Variants in PRKG1 observed in about 807,000 individuals in gnomAD.
PRKG1 encodes protein kinase cGMP-dependent 1, also known as cGMP-dependent protein kinase 1.
Under a neutral mutation model 88.1 loss-of-function variants are expected in PRKG1, and 35 were observed. That is an observed-to-expected ratio of 0.40 (90% CI 0.30 to 0.53). The LOEUF (loss-of-function observed/expected upper bound fraction) is 0.53. PRKG1 is among the 20% of genes least tolerant of loss of function. The probability of loss-of-function intolerance (pLI) is 0.59; values close to 1 mark genes in which losing one functional copy is unlikely to be tolerated. For missense variants in PRKG1, 540 were observed against 839.8 expected (o/e 0.64, Z 4.41); for synonymous variants, 303 against 292.5 (o/e 1.04, Z -0.37).
intron 1 of PRKG1, among the ~76,000 whole-genome samples, chr10:51,096,118 T>C (rs1248443157): frequency 2.6e-5 from 4 of 152,094 alleles, no homozygotes; most frequent in Non-Finnish European, 5.9e-5. Context: ...TAGTGTTTCT[T>C]TTTTTAAATG....
chr10:51,275,491 G>T (rs576210437), intron 2 of PRKG1, among the ~76,000 whole-genome samples: 1 of 152,182 alleles, frequency 6.6e-6, no homozygotes, highest in African/African-American at 2.4e-5. Flanking sequence ...TGAGTTGGGT[G>T]CAAAGGGAGT....
chr10:52,144,193 C>T (rs190695017), intron 8 of PRKG1, among the ~76,000 whole-genome samples: 9 of 152,054 alleles, frequency 5.9e-5, no homozygotes, highest in African/African-American at 2.2e-4. Flanking sequence ...GACCTTTGTA[C>T]AGTAATAAGG....
intron 2 of PRKG1, among the ~76,000 whole-genome samples, chr10:51,375,297 T>C (rs1296564678): frequency 1.2e-4 from 18 of 152,170 alleles, no homozygotes; most frequent in African/African-American, 3.6e-4. Flanking sequence ...GAATATTACA[T>C]AATTTACATA....
chr10:52,122,594 C>T (rs1448466067), intron 7 of PRKG1, among the ~76,000 whole-genome samples: 2 of 151,966 alleles, frequency 1.3e-5, no homozygotes, highest in Admixed American at 6.6e-5. Context: ...AAAATAATAA[C>T]AAAGAACAAT....
intron 3 of PRKG1, among the ~76,000 whole-genome samples, chr10:51,574,301 G>T (rs570199462): frequency 6.6e-6 from 1 of 152,014 alleles, no homozygotes; most frequent in Middle Eastern, 3.4e-3. Context: ...ATATGACCTA[G>T]TTTAAGTAGA....
intron 1 of PRKG1, among the ~76,000 whole-genome samples, chr10:51,015,896 G>GA (rs1054508926): frequency 4.0e-5 from 6 of 151,308 alleles, no homozygotes; most frequent in African/African-American, 9.7e-5. Context: ...TCGAAAAAAA[G>GA]AAAAAAAAGA....
At chr10:51,334,936 G>C (rs1329332948) in intron 2 of PRKG1, among the ~76,000 whole-genome samples, 1 of 151,406 alleles carries the variant, frequency 6.6e-6, no homozygotes, top group African/African-American at 2.4e-5. Context: ...AAAAACAGGA[G>C]GACGTGTTTA....
intron 5 of PRKG1, among the ~76,000 whole-genome samples, chr10:51,947,241 C>T (rs1449472710): frequency 2.0e-5 from 3 of 152,166 alleles, no homozygotes; most frequent in South Asian, 2.1e-4. Context: ...ATCAGCGAGA[C>T]TCCGTGGGCG....
intron 3 of PRKG1, among the ~76,000 whole-genome samples, chr10:51,475,903 T>C (rs554052694): frequency 6.6e-6 from 1 of 152,016 alleles, no homozygotes; most frequent in East Asian, 1.9e-4. Context: ...TGGTCATGAG[T>C]GTAGTTTGGA....
At chr10:51,372,536 T>G (rs1056152226) in intron 2 of PRKG1, among the ~76,000 whole-genome samples, 3 of 152,188 alleles carry the variant, frequency 2.0e-5, no homozygotes, top group African/African-American at 7.2e-5. Context: ...CTTCTGCTAC[T>G]ATGATGAGTA....
chr10:51,503,838 G>A (rs1294206672), intron 3 of PRKG1, among the ~76,000 whole-genome samples: 1 of 152,102 alleles, frequency 6.6e-6, no homozygotes, highest in Non-Finnish European at 1.5e-5. Flanking sequence ...TTTCTTTACA[G>A]TGTTGATGGT....
chr10:51,961,814 G>C lies in PRKG1; in HGVS notation c.762+54244G>C, dbSNP rs867101428. ...TTGAGGTAGTTTTTGGAGGCAAGCT[G>C]TACTGACATTGTTGCAGCTACTCTT... On this transcript the variant is annotated intron_variant, in intron 5 of 17. Coordinates refer to ENST00000373980, the MANE Select transcript of PRKG1 (RefSeq NM_006258.4). Among the ~76,000 whole-genome samples, 4 of 152,128 alleles carry C rather than the reference G, an allele frequency of 2.6e-5. No homozygotes were observed. The South Asian group carries it at 6.2e-4, about 24-fold the overall frequency.
At chr10:51,392,365 T>C (rs1837428104) in intron 2 of PRKG1, among the ~76,000 whole-genome samples, 1 of 152,098 alleles carries the variant, frequency 6.6e-6, no homozygotes, top group Admixed American at 6.5e-5. Context: ...AGCATCTGTT[T>C]AACAAAGCAC....
intron 2 of PRKG1, among the ~76,000 whole-genome samples, chr10:51,377,008 C>A (rs943047453): frequency 2.6e-5 from 4 of 152,020 alleles, no homozygotes; most frequent in African/African-American, 9.7e-5. Context: ...GAAATATCAC[C>A]ATCAATTGGT....
chr10:51,833,694 G>A (rs72799460), intron 4 of PRKG1, among the ~76,000 whole-genome samples: 13,985 of 152,066 alleles, frequency 0.092, 705 homozygotes, highest in African/African-American at 0.11. Context: ...ATTTATTTGT[G>A]GTGAGAACAT....
At chr10:51,293,708 A>C (rs191215195) in intron 2 of PRKG1, among the ~76,000 whole-genome samples, 1 of 152,252 alleles carries the variant, frequency 6.6e-6, no homozygotes, top group Admixed American at 6.5e-5. Context: ...TCTCTTCAAC[A>C]TACTGATTTT....
intron 4 of PRKG1, among the ~76,000 whole-genome samples, chr10:51,821,969 A>C (rs1268055348): frequency 6.6e-6 from 1 of 152,136 alleles, no homozygotes; most frequent in Non-Finnish European, 1.5e-5. Context: ...GCCAGAGGAA[A>C]TCAAATCAGT....
intron 2 of PRKG1, among the ~76,000 whole-genome samples, chr10:51,448,094 C>A (rs559550414): frequency 6.6e-6 from 1 of 151,854 alleles, no homozygotes; most frequent in East Asian, 1.9e-4. Context: ...CTCACAAATA[C>A]AAAAATTACC....
chr10:51,970,693 A>AT (rs957322956), intron 5 of PRKG1, among the ~76,000 whole-genome samples: 8 of 144,054 alleles, frequency 5.6e-5, no homozygotes, highest in Admixed American at 1.4e-4. Flanking sequence ...TCTGATATAT[A>AT]TATCAGATAT....
Sources: allele counts gnomAD v4.1 joint callset (sites outside exome capture counted in the v4.1 genomes callset), GRCh38; gene constraint gnomAD v4.1.1; transcripts MANE v1.5; gene names NCBI Gene and HGNC (gene_info 2026-07-23, HGNC 2026-07-21).